Variants in HEBP1 observed in about 807,000 individuals in gnomAD.
The protein encoded by HEBP1 is heme-binding protein 1.
HEBP1 carries 13 observed loss-of-function variants against 20.4 expected under a neutral mutation model. The ratio of observed to expected loss-of-function variants is 0.64; its 90% CI spans 0.42 to 1.01. The LOEUF (loss-of-function observed/expected upper bound fraction) is 1.01, where lower values mean the gene tolerates loss of function less well. HEBP1 is among the 50% of genes least tolerant of loss of function. HEBP1 has a pLI of 0.00. For missense variants in HEBP1, 241 were observed against 247.3 expected, an observed-to-expected ratio of 0.97 and a Z score of 0.17; for synonymous variants, 92 against 90.7, an observed-to-expected ratio of 1.01 and a Z score of -0.08.
At chr12:12,985,287 T>A (rs1268589914) in intron 3 of HEBP1, among the ~76,000 whole-genome samples, 1 of 152,198 alleles carries the variant, frequency 6.6e-6, no homozygotes, top group African/African-American at 2.4e-5. Flanking sequence ...GAAATATTTA[T>A]GAATGAAATA....
chr12:12,999,040 A>G (rs2136554431), intron 1 of HEBP1, among the ~76,000 whole-genome samples: 1 of 152,194 alleles, frequency 6.6e-6, no homozygotes, highest in South Asian at 2.1e-4. Flanking sequence ...AGCTCAGGAC[A>G]CTCCACTGAG....
chr12:12,993,334 C>T (rs1864249604), intron 1 of HEBP1, among the ~76,000 whole-genome samples: 1 of 152,032 alleles, frequency 6.6e-6, no homozygotes, highest in Non-Finnish European at 1.5e-5. Flanking sequence ...GCCACCATGC[C>T]CAGCTAATTT....
Position 12,999,990 on chromosome 12 carries a change from G to A in HEBP1, c.78+47C>T, listed in dbSNP as rs769912308. 6 of 1,350,300 alleles carry A rather than the reference G, an allele frequency of 4.4e-6. No homozygotes were observed. The South Asian group carries it at 4.9e-5, about 11-fold the overall frequency. The allele number at this position is 1,350,300 out of a possible 1,614,324, so 83.6% of individuals were successfully genotyped here. A position where few individuals can be genotyped will look rare whatever the true frequency, so the allele number is the denominator to read the frequency against. On this transcript the variant is annotated intron_variant, in intron 1 of 3. Coordinates refer to ENST00000014930, the MANE Select transcript of HEBP1 (RefSeq NM_015987.5). ...CGCTGCAGCCCCGACGAGGGTGGGGGTGGGAGGCAGCAATCCTTCAGGTCC... is the reference window on the plus strand; with the variant it reads ...CGCTGCAGCCCCGACGAGGGTGGGGATGGGAGGCAGCAATCCTTCAGGTCC...
chr12:13,000,046 T>G lies in HEBP1; in HGVS notation c.69A>C (p.Lys23Asn). 1 of 1,610,618 alleles carries G rather than the reference T, an allele frequency of 6.2e-7. No homozygotes were observed. The highest frequency in any genetic ancestry group is 2.2e-5 in the East Asian group (1 of 44,742). Residue 23 changes from lysine to asparagine, a missense_variant, in exon 1 of 4, where the codon AAA becomes AAC. Lys to Asn is a moderately conservative substitution (Grantham distance 94). Coordinates refer to ENST00000014930, the MANE Select transcript of HEBP1 (RefSeq NM_015987.5). ...VETWPWQVLS[K>N]GDKEEVAYEE... ...AGCCCTGCGGGCCTACCTTGTCCCC[T>G]TTGCTTAGGACCTGCCAAGGCCACG...
chr12:12,987,112 C>G, intron 3 of HEBP1, 40 bp downstream of exon 3: 1 of 1,562,080 alleles, frequency 6.4e-7, no homozygotes, highest in Admixed American at 1.7e-5. Context: ...GTACGGGAAT[C>G]AAGCGCCACC....
At chr12:12,978,576 G>A (rs1271251362) in intron 3 of HEBP1, among the ~76,000 whole-genome samples, 2 of 152,116 alleles carry the variant, frequency 1.3e-5, no homozygotes, top group African/African-American at 4.8e-5. Context: ...TGGCAGTGGA[G>A]GGACAGGGGA....
chr12:12,975,207 TG>T lies in HEBP1; in HGVS notation c.*100del. 1 of 1,144,212 alleles carries T rather than the reference TG, an allele frequency of 8.7e-7. No individual in the cohort carries two copies. The highest frequency in any genetic ancestry group is 3.0e-4 in the Middle Eastern group (1 of 3,374). 70.9% of individuals were successfully genotyped at this position (1,144,212 alleles called of 1,614,324 possible). Reference sequence around the variant, plus strand: ...GACTTTGAAGGAAAGTTGGTTAAGTTGGACTTGCAGCTGGAACTTGGGAAGC... The same window carrying T: ...GACTTTGAAGGAAAGTTGGTTAAGTTGACTTGCAGCTGGAACTTGGGAAGC... On this transcript the variant is annotated 3_prime_UTR_variant, in exon 4 of 4. Transcript: ENST00000014930.
chr12:12,982,822 C>T (rs1864103568), intron 3 of HEBP1, among the ~76,000 whole-genome samples: 1 of 152,202 alleles, frequency 6.6e-6, no homozygotes, highest in Non-Finnish European at 1.5e-5. Context: ...TCTAATAAAA[C>T]TTGATCAAAT....
chr12:12,989,644 G>T (rs1244302081), intron 1 of HEBP1, among the ~76,000 whole-genome samples: 1 of 152,160 alleles, frequency 6.6e-6, no homozygotes, highest in African/African-American at 2.4e-5. Flanking sequence ...GATAAGAGAA[G>T]ATATTGCATC....
chr12:12,983,004 TG>T (rs2136541843), intron 3 of HEBP1, among the ~76,000 whole-genome samples: 1 of 152,310 alleles, frequency 6.6e-6, no homozygotes, highest in South Asian at 2.1e-4. Flanking sequence ...TGAGGTACAG[TG>T]AGGCTGGCAA....
At chr12:12,987,455 T>C (rs898396378) in intron 2 of HEBP1, 123 bp from the exon 3 acceptor site, 5 of 715,112 alleles carry the variant, frequency 7.0e-6, no homozygotes, top group Admixed American at 3.1e-5. Flanking sequence ...AAATTAACAA[T>C]GAACATTTCA....
chr12:12,987,506 T>C (rs191931884), intron 2 of HEBP1, among the ~76,000 whole-genome samples, 174 bp from the exon 3 acceptor site: 2 of 152,360 alleles, frequency 1.3e-5, no homozygotes, highest in Admixed American at 1.3e-4. Context: ...CTGTTATTTG[T>C]ATACGCTGTT....
At chr12:12,990,339 AAAAAAAAAATTTTTTTTTTTTTTT>A (rs1234081156) in intron 1 of HEBP1, among the ~76,000 whole-genome samples, 1 of 99,932 alleles carries the variant, frequency 1.0e-5, no homozygotes, top group Admixed American at 1.3e-4. Flanking sequence ...CTGCTAATTA[AAAAAAAAAATTTTTTTTTTTTTTT>A]GGTAGAGTCT....
intron 1 of HEBP1, among the ~76,000 whole-genome samples, chr12:12,994,314 G>C (rs1297346297): frequency 6.6e-6 from 1 of 152,218 alleles, no homozygotes. Context: ...GAACTCAGAG[G>C]CTGTTGTGGG....
Position 13,000,256 on chromosome 12 carries a change from G to A in HEBP1, c.-142C>T. On this transcript the variant is annotated 5_prime_UTR_variant, in exon 1 of 4. Transcript: ENST00000014930. ...AGGGTGGCAGGGCGGCAAGGCGGCG[G>A]GACGGCGAGGCGGCGAGGCGAGAGG... The A allele has an allele frequency of 5.6e-6, 2 of 354,614 alleles. No individual in the cohort carries two copies. The highest frequency in any genetic ancestry group is 1.7e-4 in the South Asian group (2 of 11,590). The allele number at this position is 354,614 out of a possible 1,614,324, so 22.0% of individuals were successfully genotyped here.
intron 3 of HEBP1, chr12:12,983,491 C>T: frequency 3.2e-6 from 1 of 309,794 alleles, no homozygotes; most frequent in Non-Finnish European, 6.5e-6. Context: ...TCATTGAATG[C>T]ACTCACTGCA....
chr12:12,992,414 G>A (rs1034942612), intron 1 of HEBP1, among the ~76,000 whole-genome samples: 2 of 152,152 alleles, frequency 1.3e-5, no homozygotes, highest in African/African-American at 4.8e-5. Context: ...ACATTGGACA[G>A]ACTGGTCTCG....
At chr12:12,991,371 C>T (rs1864223738) in intron 1 of HEBP1, among the ~76,000 whole-genome samples, 1 of 152,130 alleles carries the variant, frequency 6.6e-6, no homozygotes, top group Non-Finnish European at 1.5e-5. Flanking sequence ...ACAGCATATC[C>T]TCTCCCTAAC....
intron 3 of HEBP1, chr12:12,983,563 AT>A (rs1230688746): frequency 2.6e-6 from 1 of 390,126 alleles, no homozygotes; most frequent in Non-Finnish European, 5.2e-6. Context: ...TCTCATTAAC[AT>A]TGCTTTCAAC....
Sources: gnomAD v4.1 joint callset for allele counts (sites outside exome capture counted in the v4.1 genomes callset) on GRCh38, gnomAD v4.1.1 for gene constraint, MANE v1.5 for transcripts, NCBI Gene and HGNC (gene_info 2026-07-23, HGNC 2026-07-21) for gene names.